KCNQ1: variants seen among roughly 807,000 people sequenced by gnomAD.
KCNQ1 encodes the protein potassium voltage-gated channel subfamily KQT member 1.
Under a neutral mutation model 72.4 loss-of-function variants are expected in KCNQ1, and 49 were observed. The observed-to-expected ratio is 0.68, with a 90% confidence interval of 0.54 to 0.86. KCNQ1 has a LOEUF of 0.86. Ranked by LOEUF, KCNQ1 falls within the 40% of genes least tolerant of loss-of-function variation. The pLI is 0.00. For synonymous variants in KCNQ1, 450 were observed against 412.6 expected (o/e 1.09, Z -1.10); for missense variants, 790 against 945.1 (o/e 0.84, Z 2.15).
In KCNQ1 at chr11:2,458,399, C is replaced by T. The variant is rs528165695; in HGVS notation, c.386+12915C>T. On this transcript the variant is annotated intron_variant, in intron 1 of 15. Coordinates refer to ENST00000155840, the MANE Select transcript of KCNQ1 (RefSeq NM_000218.3). This position sits in a 1 kb window ranked among gnomAD's most constrained non-coding sequence, Gnocchi z 4.6. ...GAGAGAATCTGACATGTGTCCCAGTCGTGATTAACCTGTGAACTGTAACTC... is the reference window on the plus strand; with the variant it reads ...GAGAGAATCTGACATGTGTCCCAGTTGTGATTAACCTGTGAACTGTAACTC... Among the ~76,000 whole-genome samples, 6 of 152,336 alleles carry T rather than the reference C, an allele frequency of 3.9e-5. No homozygotes were observed. The South Asian group carries it at 8.3e-4, about 21-fold the overall frequency.
At chr11:2,584,504 AGT>A (rs747562425) in intron 7 of KCNQ1, among the ~76,000 whole-genome samples, 31 of 133,960 alleles carry the variant, frequency 2.3e-4, no homozygotes, top group African/African-American at 5.4e-4. Flanking sequence ...TATGTGGGTT[AGT>A]GTGTGTGTTT....
Position 2,668,078 on chromosome 11 carries a change from C to T in KCNQ1, c.1514+5997C>T, listed in dbSNP as rs12294861. ...TTTATGCGGTGGGAATGATGCAACT[C>T]ATACACCTTTGTGTCCAATGTCCCT... is the stretch of plus-strand genomic sequence containing the variant. On this transcript the variant is annotated intron_variant, in intron 11 of 15. Transcript: ENST00000155840. The surrounding 1 kb of genome is among the most constrained non-coding windows in gnomAD (Gnocchi z 4.3). The T allele has an allele frequency of 9.5e-5, 38 of 398,598 alleles. No individual in the cohort carries two copies. Among genetic ancestry groups the T allele is most frequent in the African/African-American group, 7.8e-4 (38 of 48,704 alleles). The allele number at this position is 398,598 out of a possible 1,614,324, so 24.7% of individuals were successfully genotyped here. A position where few individuals can be genotyped will look rare whatever the true frequency, so the allele number is the denominator to read the frequency against.
Position 2,690,919 on chromosome 11 carries a change from C to G in KCNQ1, c.1514+28838C>G. 2 of 398,430 alleles carry G rather than the reference C, an allele frequency of 5.0e-6. No homozygotes were observed. The highest frequency in any genetic ancestry group is 8.8e-6 in the Non-Finnish European group (2 of 226,042). 24.7% of individuals were successfully genotyped at this position (398,430 alleles called of 1,614,324 possible). On this transcript the variant is annotated intron_variant, in intron 11 of 15. Transcript: ENST00000155840. This position sits in a 1 kb window ranked among gnomAD's most constrained non-coding sequence, Gnocchi z 5.1. ...GGGTTTTGTCATGTGTAGGTCCCAGCGGCTTTAAGCCAACCTGAAAGGTTC... is the reference window on the plus strand; with the variant it reads ...GGGTTTTGTCATGTGTAGGTCCCAGGGGCTTTAAGCCAACCTGAAAGGTTC...
intron 1 of KCNQ1, among the ~76,000 whole-genome samples, chr11:2,474,233 G>C (rs951856666): frequency 1.3e-5 from 2 of 152,174 alleles, no homozygotes; most frequent in Non-Finnish European, 2.9e-5. Context: ...TGCTGTCCTC[G>C]AGTCTCCTGG....
chr11:2,552,859 C>T (rs531773961), intron 2 of KCNQ1, among the ~76,000 whole-genome samples: 4 of 152,242 alleles, frequency 2.6e-5, no homozygotes, highest in South Asian at 2.1e-4. Context: ...TTAGTAATAC[C>T]GAGTTTTCTG....
intron 15 of KCNQ1, among the ~76,000 whole-genome samples, chr11:2,823,486 A>G (rs2134057482): frequency 6.6e-6 from 1 of 152,304 alleles, no homozygotes; most frequent in African/African-American, 2.4e-5. Flanking sequence ...GAAACCAGGG[A>G]AAAGGAAGGC....
At chr11:2,587,157 C>A (rs1445083382) in intron 8 of KCNQ1, among the ~76,000 whole-genome samples, 1 of 152,206 alleles carries the variant, frequency 6.6e-6, no homozygotes, top group Non-Finnish European at 1.5e-5. Flanking sequence ...CCCTCTTTCT[C>A]AGCCCTTCCT....
At position 2,687,992 on chromosome 11, in the gene KCNQ1, C is replaced by T. The variant is rs1181126629; in HGVS notation, c.1514+25911C>T. ...TTCCTGCTTCCCTTTGATGTCTCCT[C>T]GTGCGAGGGAGGGGTCAGCACCCCT... On this transcript the variant is annotated intron_variant, in intron 11 of 15. Coordinates refer to ENST00000155840, the MANE Select transcript of KCNQ1 (RefSeq NM_000218.3). The surrounding 1 kb of genome is among the most constrained non-coding windows in gnomAD (Gnocchi z 5.0). 2 of 398,750 alleles carry T rather than the reference C, an allele frequency of 5.0e-6. No individual in the cohort carries two copies. Among genetic ancestry groups the T allele is most frequent in the Non-Finnish European group, 8.8e-6 (2 of 226,160 alleles). 24.7% of individuals were successfully genotyped at this position (398,750 alleles called of 1,614,324 possible).
intron 11 of KCNQ1, among the ~76,000 whole-genome samples, chr11:2,709,220 G>GCCCCCCCCCCCCCCCCCC (rs34617956): frequency 1.5e-3 from 201 of 130,146 alleles, no homozygotes; most frequent in South Asian, 2.3e-3. Context: ...CGGCTTCCAG[G>GCCCCCCCCCCCCCCCCCC]CCCCCCCCAC....
chr11:2,461,823 T>C, intron 1 of KCNQ1: 1 of 877,410 alleles, frequency 1.1e-6, no homozygotes, highest in Non-Finnish European at 1.6e-6. Context: ...GACAGCTGGA[T>C]AGATGAAGTA....
In KCNQ1 at chr11:2,613,086, T is replaced by G; in HGVS notation, c.1393+24232T>G. On this transcript the variant is annotated intron_variant, in intron 10 of 15. Transcript: ENST00000155840. The surrounding 1 kb of genome is among the most constrained non-coding windows in gnomAD (Gnocchi z 4.8). Reference sequence around the variant, plus strand: ...CATAACCTAGTGGTCAAGCCATGATTAGTCAGACATTTGTTTAAACATCTT... The same window carrying G: ...CATAACCTAGTGGTCAAGCCATGATGAGTCAGACATTTGTTTAAACATCTT... The G allele has an allele frequency of 2.5e-6, 1 of 398,620 alleles. No homozygotes were observed. The highest frequency in any genetic ancestry group is 4.4e-6 in the Non-Finnish European group (1 of 226,064). 24.7% of individuals were successfully genotyped at this position (398,620 alleles called of 1,614,324 possible).
chr11:2,609,763 TTA>T, intron 10 of KCNQ1: 1 of 398,166 alleles, frequency 2.5e-6, no homozygotes, highest in South Asian at 1.3e-4. Context: ...CATTTTATCA[TTA>T]TGAGATATTC....
rs397508090 is a variant in KCNQ1, at chr11:2,662,050, ACT to A, written c.1486_1487del (p.Leu496AlafsTer19). 2.5e-6 allele frequency: 4 copies of A among 1,614,106 alleles called. No homozygotes were observed. The highest frequency in any genetic ancestry group is 1.7e-5 in the Admixed American group (1 of 60,032). ...FAEDLDLEGE[T>X]LLTPITHISQ... ...CGAGGACCTGGACCTGGAAGGGGAGACTCTGCTGACACCCATCACCCACATCT... is the reference window on the plus strand; with the variant it reads ...CGAGGACCTGGACCTGGAAGGGGAGACTGCTGACACCCATCACCCACATCT... On this transcript the variant is annotated frameshift_variant, in exon 11 of 16. Transcript: ENST00000155840. LOFTEE classifies it high-confidence loss of function.
rs901184554 is a variant in KCNQ1 at position 2,602,195 on chromosome 11, C to T, written c.1393+13341C>T. 9.2e-5 allele frequency among the ~76,000 whole-genome samples: 14 copies of T among 152,172 alleles called. No individual in the cohort carries two copies. Among genetic ancestry groups the T allele is most frequent in the African/African-American group, 3.1e-4 (13 of 41,508 alleles). On this transcript the variant is annotated intron_variant, in intron 10 of 15. Coordinates refer to ENST00000155840, the MANE Select transcript of KCNQ1 (RefSeq NM_000218.3). This position sits in a 1 kb window ranked among gnomAD's most constrained non-coding sequence, Gnocchi z 4.8. ...AAGGGAAGGGATGCTCCCCTGAAGC[C>T]TCCAGAAGGAACCAGCCCTGCTGAC...
chr11:2,647,451 G>GT lies in KCNQ1; in HGVS notation c.1394-14506dup, dbSNP rs1385378416. On this transcript the variant is annotated intron_variant, in intron 10 of 15. Transcript: ENST00000155840. This position sits in a 1 kb window ranked among gnomAD's most constrained non-coding sequence, Gnocchi z 4.0. ...TGTTCATCAGGGAGATTGGCCTGTAGTTTTCTTTTTTGCTGTTATTGTGTC... is the reference window on the plus strand; with the variant it reads ...TGTTCATCAGGGAGATTGGCCTGTAGTTTTTCTTTTTTGCTGTTATTGTGTC... The GT allele has an allele frequency of 2.5e-6, 1 of 398,306 alleles. No homozygotes were observed. The highest frequency in any genetic ancestry group is 4.4e-5 in the Admixed American group (1 of 22,692). 24.7% of individuals were successfully genotyped at this position (398,306 alleles called of 1,614,324 possible). A position where few individuals can be genotyped will look rare whatever the true frequency, so the allele number is the denominator to read the frequency against.
At position 2,715,719 on chromosome 11, in the gene KCNQ1, C is replaced by T. The variant is rs1489997117; in HGVS notation, c.1515-53125C>T. On this transcript the variant is annotated intron_variant, in intron 11 of 15. Transcript: ENST00000155840. This position sits in a 1 kb window ranked among gnomAD's most constrained non-coding sequence, Gnocchi z 4.9. ...AGGGGGTATGGGGAGCCCTCTGGGG[C>T]ACCCTCATATCACACCCTGTCCCTC... Among the ~76,000 whole-genome samples, 1 of 152,206 alleles carries T rather than the reference C, an allele frequency of 6.6e-6. No individual in the cohort carries two copies. Among genetic ancestry groups the T allele is most frequent in the Admixed American group, 6.5e-5 (1 of 15,288 alleles).
At chr11:2,798,359 A>T (rs115248085) in intron 15 of KCNQ1, among the ~76,000 whole-genome samples, 1 of 152,180 alleles carries the variant, frequency 6.6e-6, no homozygotes, top group Non-Finnish European at 1.5e-5. Flanking sequence ...GGTTGTGCCC[A>T]GTCCTCAGAA....
At position 2,621,262 on chromosome 11, in the gene KCNQ1, G is replaced by A. The variant is rs917701578; in HGVS notation, c.1393+32408G>A. 1.8e-5 allele frequency: 7 copies of A among 398,326 alleles called. No individual in the cohort carries two copies. The East Asian group carries it at 2.5e-4, about 14-fold the overall frequency. The allele number at this position is 398,326 out of a possible 1,614,324, so 24.7% of individuals were successfully genotyped here. On this transcript the variant is annotated intron_variant, in intron 10 of 15. Coordinates refer to ENST00000155840, the MANE Select transcript of KCNQ1 (RefSeq NM_000218.3). This position sits in a 1 kb window ranked among gnomAD's most constrained non-coding sequence, Gnocchi z 5.7. ...CAAAGTGCTAGGACTACAGGCATGA[G>A]CCACCGTGCCTGGCCTCATTATTTG...
At chr11:2,705,822 G>A (rs61870825) in intron 11 of KCNQ1, among the ~76,000 whole-genome samples, 12,559 of 152,258 alleles carry the variant, frequency 0.082, 602 homozygotes, top group South Asian at 0.11. Context: ...CGCATTAAAA[G>A]GCCCTGGATC....
Sources: allele counts gnomAD v4.1 joint callset (sites outside exome capture counted in the v4.1 genomes callset), GRCh38; gene constraint gnomAD v4.1.1; non-coding constraint Gnocchi (gnomAD v3.1); transcripts MANE v1.5; gene names NCBI Gene and HGNC (gene_info 2026-07-23, HGNC 2026-07-21).